PBX3: variants seen among roughly 807,000 people sequenced by gnomAD.
PBX3 encodes PBX homeobox 3, also known as pre-B-cell leukemia transcription factor 3.
A neutral mutation model predicts 48.5 loss-of-function variants in PBX3; 14 were observed. The observed-to-expected ratio is 0.29, with a 90% CI of 0.19 to 0.45. The LOEUF is 0.45. PBX3 is among the 20% of genes least tolerant of loss of function. The probability of loss-of-function intolerance (pLI) is 1.00; values close to 1 mark genes in which losing one functional copy is unlikely to be tolerated. For synonymous variants in PBX3, 210 were observed against 200.3 expected (o/e 1.05, Z -0.41); for missense variants, 386 against 546.7 (o/e 0.71, Z 2.93).
At chr9:125,859,709 A>T (rs1009092644) in intron 2 of PBX3, among the ~76,000 whole-genome samples, 1 of 152,212 alleles carries the variant, frequency 6.6e-6, no homozygotes, top group Admixed American at 6.5e-5. Context: ...TGATCAATAG[A>T]TATGTAATGG....
chr9:125,859,173 CT>C (rs2132283668), intron 2 of PBX3, among the ~76,000 whole-genome samples: 1 of 152,282 alleles, frequency 6.6e-6, no homozygotes, highest in East Asian at 1.9e-4. Flanking sequence ...AGTTAGATTG[CT>C]TTTCATCTTT....
Position 125,944,381 on chromosome 9 carries a change from A to G in PBX3, c.843+8774A>G, listed in dbSNP as rs372845038. ...TTTGGCTATTTTCTTAATTTGCTCA[A>G]TAGGTACTTAGTGCCTACTATATGT... On this transcript the variant is annotated intron_variant, in intron 5 of 8. Transcript: ENST00000373489. Among the ~76,000 whole-genome samples, 8 of 152,344 alleles carry G rather than the reference A, an allele frequency of 5.3e-5. No individual in the cohort carries two copies. In the East Asian group the frequency reaches 7.7e-4, roughly 15 times the overall value.
rs879292753 is a variant in PBX3, at chr9:125,849,366, TA to T, written c.275-66308del. On this transcript the variant is annotated intron_variant, in intron 2 of 8. Coordinates refer to ENST00000373489, the MANE Select transcript of PBX3 (RefSeq NM_006195.6). ...GATATCAGGGTGCACATGGTGGATT[TA>T]AAAAAAAAAAAGGAAGGATAATGTA... is the stretch of plus-strand genomic sequence containing the variant. 2.4e-3 allele frequency among the ~76,000 whole-genome samples: 347 copies of T among 143,604 alleles called. 1 individual carries two copies. Among genetic ancestry groups the T allele is most frequent in the Non-Finnish European group, 2.1e-3 (136 of 64,966 alleles). The allele number at this position is 143,604 out of a possible 152,430, so 94.2% of individuals were successfully genotyped here. A position where few individuals can be genotyped will look rare whatever the true frequency, so the allele number is the denominator to read the frequency against.
At chr9:125,952,386 G>C (rs1262582354) in intron 5 of PBX3, among the ~76,000 whole-genome samples, 1 of 152,188 alleles carries the variant, frequency 6.6e-6, no homozygotes, top group Non-Finnish European at 1.5e-5. Context: ...CGGCCTTTAA[G>C]TAATAATTTT....
rs1309471066 is a variant in PBX3 at position 125,747,560 on chromosome 9, G to T, written c.107G>T (p.Gly36Val). The T allele has an allele frequency of 2.5e-6, 4 of 1,606,700 alleles. No homozygotes were observed. In the African/African-American group the frequency reaches 5.4e-5, roughly 22 times the overall value. The change falls in exon 1 of 9, where the codon GGG (glycine) becomes GTG (valine). Residue 36 changes from glycine to valine, a missense_variant. Physicochemically the swap from Gly to Val is moderately radical, Grantham distance 109. Around this residue, in one of 4 missense-constraint regions of PBX3, gnomAD observed 116 missense variants for 98.2 expected, o/e 1.18. Coordinates refer to ENST00000373489, the MANE Select transcript of PBX3 (RefSeq NM_006195.6). ...ALPPPPHGHEGADGDGRKQDI... is the reference protein window; with the variant it reads ...ALPPPPHGHEVADGDGRKQDI... ...CCGCCTCCCCCGCACGGCCACGAAG[G>T]GGCGGACGGCGACGGCAGGAAGCAG...
intron 2 of PBX3, among the ~76,000 whole-genome samples, chr9:125,897,839 C>G (rs546662360): frequency 1.3e-5 from 2 of 151,912 alleles, no homozygotes; most frequent in African/African-American, 4.8e-5. Flanking sequence ...CACTAGCCGA[C>G]TTAACTAAGC....
chr9:125,769,919 C>T (rs1348034580), intron 2 of PBX3, among the ~76,000 whole-genome samples: 1 of 151,950 alleles, frequency 6.6e-6, no homozygotes, highest in East Asian at 1.9e-4. Flanking sequence ...AGCTCTTAAC[C>T]ACTTATTAAT....
chr9:125,931,402 G>A (rs1463746028), intron 4 of PBX3, among the ~76,000 whole-genome samples: 1 of 152,018 alleles, frequency 6.6e-6, no homozygotes, highest in Non-Finnish European at 1.5e-5. Context: ...TCCCATGCTC[G>A]AGTGATCTTC....
At chr9:125,789,438 A>G (rs1227544486) in intron 2 of PBX3, among the ~76,000 whole-genome samples, 1 of 152,136 alleles carries the variant, frequency 6.6e-6, no homozygotes, top group Non-Finnish European at 1.5e-5. Flanking sequence ...TCACATGACT[A>G]TTGACAGTAC....
intron 5 of PBX3, among the ~76,000 whole-genome samples, chr9:125,946,655 A>G (rs1842070258): frequency 6.6e-6 from 1 of 152,198 alleles, no homozygotes; most frequent in Non-Finnish European, 1.5e-5. Context: ...GTCCCAAGAA[A>G]ATAATGATAT....
At chr9:125,848,041 G>A (rs28525576) in intron 2 of PBX3, among the ~76,000 whole-genome samples, 10,660 of 152,000 alleles carry the variant, frequency 0.07, 1,179 homozygotes, top group African/African-American at 0.24. Context: ...GGTCTAATGC[G>A]TTGATGGTTC....
At chr9:125,875,192 G>C in intron 2 of PBX3, among the ~76,000 whole-genome samples, 1 of 152,082 alleles carries the variant, frequency 6.6e-6, no homozygotes, top group Non-Finnish European at 1.5e-5. Flanking sequence ...TTGCCCTTTA[G>C]AAAAAGTAAC....
At chr9:125,852,562 C>T (rs2132264714) in intron 2 of PBX3, among the ~76,000 whole-genome samples, 1 of 152,242 alleles carries the variant, frequency 6.6e-6, no homozygotes, top group East Asian at 1.9e-4. Flanking sequence ...TCTAAACAGC[C>T]TGAATGTGTA....
At chr9:125,862,955 C>T (rs561034081) in intron 2 of PBX3, among the ~76,000 whole-genome samples, 6 of 151,756 alleles carry the variant, frequency 4.0e-5, no homozygotes, top group South Asian at 4.2e-4. Flanking sequence ...AGTGCAGTGG[C>T]GTGATCTTGG....
rs549935588 is a variant in PBX3, at chr9:125,836,204, G to A, written c.275-79482G>A. 9.8e-5 allele frequency among the ~76,000 whole-genome samples: 15 copies of A among 152,316 alleles called. No individual in the cohort carries two copies. In the East Asian group the frequency reaches 2.9e-3, roughly 29 times the overall value. On this transcript the variant is annotated intron_variant, in intron 2 of 8. Transcript: ENST00000373489. The stretch of plus-strand genomic sequence containing the variant: ...CTCACGCCTGTAATCCAAGCACTTT[G>A]GGAGGCCGAGGCAGGTGGATCATGA...
intron 2 of PBX3, among the ~76,000 whole-genome samples, chr9:125,790,146 G>C (rs962399886): frequency 1.3e-5 from 2 of 152,196 alleles, no homozygotes; most frequent in African/African-American, 4.8e-5. Flanking sequence ...TTCTACTCTT[G>C]ATATAAGCTC....
chr9:125,763,436 T>C (rs1465613245), intron 2 of PBX3, among the ~76,000 whole-genome samples: 1 of 152,206 alleles, frequency 6.6e-6, no homozygotes, highest in Non-Finnish European at 1.5e-5. Context: ...ATTTCTATAG[T>C]GTGAAGCCAG....
At position 125,878,492 on chromosome 9, in the gene PBX3, C is replaced by T. The variant is rs571999246; in HGVS notation, c.275-37194C>T. Among the ~76,000 whole-genome samples, 56 of 152,288 alleles carry T rather than the reference C, an allele frequency of 3.7e-4. 1 individual carries two copies. The highest frequency in any genetic ancestry group is 3.4e-3 in the Middle Eastern group (1 of 294). On this transcript the variant is annotated intron_variant, in intron 2 of 8. Coordinates refer to ENST00000373489, the MANE Select transcript of PBX3 (RefSeq NM_006195.6). ...CTTCAGACTGTAACCAAAAGAAAGG[C>T]CTAGATAATTAGGCCAAGTTGAACT...
chr9:125,857,408 T>C (rs1236078104), intron 2 of PBX3, among the ~76,000 whole-genome samples: 2 of 152,140 alleles, frequency 1.3e-5, no homozygotes, highest in Non-Finnish European at 2.9e-5. Context: ...GATTAGGGAT[T>C]CTCAACTTGT....
Sources: allele counts gnomAD v4.1 joint callset (sites outside exome capture counted in the v4.1 genomes callset), GRCh38; gene constraint gnomAD v4.1.1; regional missense constraint gnomAD v4.1.1; transcripts MANE v1.5; gene names NCBI Gene and HGNC (gene_info 2026-07-23, HGNC 2026-07-21).